Variants in HS3ST2 observed in about 807,000 individuals in gnomAD.
HS3ST2 encodes heparan sulfate glucosamine 3-O-sulfotransferase 2.
HS3ST2 carries 17 observed loss-of-function variants against 26.3 expected under a neutral mutation model. That is an observed-to-expected ratio of 0.65 (90% CI 0.44 to 0.97). HS3ST2 has a LOEUF of 0.97. HS3ST2 is among the 50% of genes least tolerant of loss of function. The pLI is 0.00. For missense variants in HS3ST2, 402 were observed against 501.2 expected (o/e 0.80, Z 1.89); for synonymous variants, 237 against 219.2 (o/e 1.08, Z -0.72).
chr16:22,814,760 C>G lies in HS3ST2; in HGVS notation c.150C>G (p.Leu50=). The G allele has an allele frequency of 6.2e-7, 1 of 1,606,106 alleles. No individual in the cohort carries two copies. Among genetic ancestry groups the G allele is most frequent in the Non-Finnish European group, 8.5e-7 (1 of 1,177,484 alleles). The change falls in exon 1 of 2, where the codon CTC becomes CTG. Residue 50 remains leucine, a synonymous_variant. Transcript: ENST00000261374. ...CCDDLGRSRL[L]GAPRCLRGPS... ...ACGACCTGGGTCGGAGCCGCCTCCT[C>G]GGCGCGCCTCGCTGCCTCCGCGGCC...
chr16:22,894,441 C>T (rs1358238611), intron 1 of HS3ST2, among the ~76,000 whole-genome samples: 2 of 152,178 alleles, frequency 1.3e-5, no homozygotes, highest in East Asian at 3.8e-4. Flanking sequence ...TGTGCCTTTT[C>T]CCAAAACGCT....
chr16:22,863,892 C>T (rs1480299658), intron 1 of HS3ST2, among the ~76,000 whole-genome samples: 1 of 152,208 alleles, frequency 6.6e-6, no homozygotes, highest in African/African-American at 2.4e-5. Flanking sequence ...CAGTTCCTTC[C>T]CGTGTTGAGT....
chr16:22,904,724 G>A (rs2141205667), intron 1 of HS3ST2, among the ~76,000 whole-genome samples: 1 of 152,316 alleles, frequency 6.6e-6, no homozygotes, highest in South Asian at 2.1e-4. Flanking sequence ...GAGCCCAGGA[G>A]GGGCCATGGG....
chr16:22,888,385 T>TCTTTTTTTTCC (rs10686765), intron 1 of HS3ST2, among the ~76,000 whole-genome samples: 1 of 21,680 alleles, frequency 4.6e-5, no homozygotes, highest in Admixed American at 5.5e-4. Flanking sequence ...TTTTTTTTTT[T>TCTTTTTTTTCC]TTTTTTTCTT....
chr16:22,849,638 A>G (rs1247703815), intron 1 of HS3ST2, among the ~76,000 whole-genome samples: 1 of 152,204 alleles, frequency 6.6e-6, no homozygotes, highest in Non-Finnish European at 1.5e-5. Flanking sequence ...TAGGCTTCTA[A>G]GGTCATCACA....
chr16:22,837,388 A>G (rs1038845794), intron 1 of HS3ST2, among the ~76,000 whole-genome samples: 1 of 151,810 alleles, frequency 6.6e-6, no homozygotes, highest in Non-Finnish European at 1.5e-5. Flanking sequence ...ATATTGCAGT[A>G]GTCATCCCTT....
intron 1 of HS3ST2, among the ~76,000 whole-genome samples, chr16:22,838,779 A>T (rs1238754975): frequency 6.6e-6 from 1 of 152,172 alleles, no homozygotes; most frequent in Non-Finnish European, 1.5e-5. Context: ...AGCTGGGTGG[A>T]TCATCCAGTG....
chr16:22,874,459 G>T (rs934626294), intron 1 of HS3ST2, among the ~76,000 whole-genome samples: 1 of 152,124 alleles, frequency 6.6e-6, no homozygotes, highest in Non-Finnish European at 1.5e-5. Flanking sequence ...CCTAGACACC[G>T]CTGTCCTCAA....
chr16:22,820,942 T>C (rs944513479), intron 1 of HS3ST2, among the ~76,000 whole-genome samples: 3 of 152,182 alleles, frequency 2.0e-5, no homozygotes, highest in African/African-American at 7.2e-5. Flanking sequence ...ATATAGGATG[T>C]TTCCATACTG....
At chr16:22,858,971 G>C (rs1596616772) in intron 1 of HS3ST2, among the ~76,000 whole-genome samples, 1 of 152,146 alleles carries the variant, frequency 6.6e-6, no homozygotes, top group African/African-American at 2.4e-5. Flanking sequence ...TTTGAGACTA[G>C]CCTGGACAAC....
chr16:22,896,166 T>C lies in HS3ST2; in HGVS notation c.486-18778T>C, dbSNP rs528451803. ...TTAGAAGCTACATGTATTATTTATTTGGGGTTAGTGTTTGTTTAACCCCAT... is the reference window on the plus strand; with the variant it reads ...TTAGAAGCTACATGTATTATTTATTCGGGGTTAGTGTTTGTTTAACCCCAT... On this transcript the variant is annotated intron_variant, in intron 1 of 1. Coordinates refer to ENST00000261374, the MANE Select transcript of HS3ST2 (RefSeq NM_006043.2). 4.3e-4 allele frequency among the ~76,000 whole-genome samples: 65 copies of C among 152,294 alleles called. 1 individual carries two copies. The South Asian group carries it at 8.7e-3, about 20-fold the overall frequency.
chr16:22,839,261 A>AC (rs1161600854), intron 1 of HS3ST2, among the ~76,000 whole-genome samples: 1 of 152,252 alleles, frequency 6.6e-6, no homozygotes, highest in Non-Finnish European at 1.5e-5. Flanking sequence ...AGCAAGGCTC[A>AC]CAGGCACCCA....
chr16:22,897,562 T>C lies in HS3ST2; in HGVS notation c.486-17382T>C, dbSNP rs117472966. On this transcript the variant is annotated intron_variant, in intron 1 of 1. Coordinates refer to ENST00000261374, the MANE Select transcript of HS3ST2 (RefSeq NM_006043.2). ...ATCAATTTACATTTTCTACCTTCAC[T>C]ATGTGTTTAAGCTTCATCCTAAACG... is the stretch of plus-strand genomic sequence containing the variant. 6.4e-3 allele frequency among the ~76,000 whole-genome samples: 970 copies of C among 152,342 alleles called. 22 individuals carry two copies. The highest frequency in any genetic ancestry group is 0.054 in the South Asian group (261 of 4,818).
chr16:22,839,593 C>T (rs1901322782), intron 1 of HS3ST2, among the ~76,000 whole-genome samples: 1 of 151,846 alleles, frequency 6.6e-6, no homozygotes, highest in African/African-American at 2.4e-5. Flanking sequence ...TCTTTTTCTT[C>T]AATTCAAGTC....
At chr16:22,895,286 C>T (rs1005334351) in intron 1 of HS3ST2, among the ~76,000 whole-genome samples, 10 of 152,006 alleles carry the variant, frequency 6.6e-5, no homozygotes, top group African/African-American at 2.2e-4. Context: ...GACAGGGTTT[C>T]GCCATGTTGG....
chr16:22,915,211 C>T lies in HS3ST2; in HGVS notation c.753C>T (p.Gly251=). ...TGTCATGGAACGCCATCCGCATCGG[C>T]ATGTACGTGCTGCACCTGGAGAGCT... ...VDVSWNAIRI[G]MYVLHLESWL... is the part of the protein sequence containing the mutation. The change falls in exon 2 of 2, where the codon GGC becomes GGT. Residue 251 remains glycine, a synonymous_variant. Transcript: ENST00000261374. The T allele has an allele frequency of 6.2e-7, 1 of 1,614,186 alleles. No individual in the cohort carries two copies. The highest frequency in any genetic ancestry group is 1.1e-5 in the South Asian group (1 of 91,076).
At chr16:22,901,150 A>T in intron 1 of HS3ST2, among the ~76,000 whole-genome samples, 1 of 152,218 alleles carries the variant, frequency 6.6e-6, no homozygotes, top group Admixed American at 6.5e-5. Flanking sequence ...CACACATTGC[A>T]GGTGAAGAAA....
intron 1 of HS3ST2, among the ~76,000 whole-genome samples, chr16:22,888,373 C>CTTTT (rs1165585404): frequency 5.4e-4 from 33 of 61,304 alleles, no homozygotes; most frequent in African/African-American, 5.8e-4. Context: ...TCTGGCTTTT[C>CTTTT]TTTTTTTTTT....
intron 1 of HS3ST2, among the ~76,000 whole-genome samples, chr16:22,884,734 G>T (rs1455303198): frequency 6.9e-6 from 1 of 145,912 alleles, no homozygotes; most frequent in Non-Finnish European, 1.5e-5. Context: ...AGTTAGTCAG[G>T]CTCTGATCCC....
Sources: gnomAD v4.1 joint callset for allele counts (sites outside exome capture counted in the v4.1 genomes callset) on GRCh38, gnomAD v4.1.1 for gene constraint, MANE v1.5 for transcripts, NCBI Gene and HGNC (gene_info 2026-07-23, HGNC 2026-07-21) for gene names.